FBLN7: variants seen among roughly 807,000 people sequenced by gnomAD.
FBLN7 encodes the protein fibulin-7.
In FBLN7, 31 loss-of-function variants were observed where a neutral mutation model predicts 44.0. That is an observed-to-expected ratio of 0.70 (90% CI 0.53 to 0.95). The LOEUF (loss-of-function observed/expected upper bound fraction) is 0.95, where lower values mean the gene tolerates loss of function less well. Among genes scored for constraint, FBLN7 ranks in the 40% least tolerant of loss-of-function variants. The probability of loss-of-function intolerance (pLI) is 0.00; values close to 1 mark genes in which losing one functional copy is unlikely to be tolerated. For missense variants in FBLN7, 573 were observed against 618.5 expected (o/e 0.93, Z 0.78); for synonymous variants, 262 against 253.4 (o/e 1.03, Z -0.32).
At position 112,181,882 on chromosome 2, in the gene FBLN7, C is replaced by G; in HGVS notation, c.670+6C>G. 6.5e-7 allele frequency: 1 copy of G among 1,533,730 alleles called. No individual in the cohort carries two copies. The highest frequency in any genetic ancestry group is 8.7e-7 in the Non-Finnish European group (1 of 1,145,642). Reference sequence around the variant, plus strand: ...CGGCGACAGCGTCTGCCAGGGTAGGCGCGGGCTCCGCCAGGACACTGGGGA... The same window carrying G: ...CGGCGACAGCGTCTGCCAGGGTAGGGGCGGGCTCCGCCAGGACACTGGGGA... On this transcript the variant is annotated splice_donor_region_variant and intron_variant, in intron 5 of 7. Transcript: ENST00000331203.
At chr2:112,171,160 C>G (rs984178586) in intron 3 of FBLN7, among the ~76,000 whole-genome samples, 10 of 152,112 alleles carry the variant, frequency 6.6e-5, no homozygotes, top group Admixed American at 6.6e-4. Context: ...GGGTAGACAT[C>G]GTCTGGAGCT....
the FBLN7 span, among the ~76,000 whole-genome samples, chr2:112,211,006 T>C: frequency 2.6e-5 from 4 of 152,230 alleles, no homozygotes; most frequent in African/African-American, 9.6e-5. Context: ...GCTGATAAAG[T>C]GGCTGTGGTT....
the FBLN7 span, among the ~76,000 whole-genome samples, chr2:112,234,832 A>G: frequency 6.6e-6 from 1 of 152,122 alleles, no homozygotes; most frequent in Non-Finnish European, 1.5e-5. Context: ...AATGAAAGTG[A>G]TAGTATTTAT....
intron 3 of FBLN7, among the ~76,000 whole-genome samples, chr2:112,166,967 G>A (rs760807725): frequency 1.3e-5 from 2 of 152,140 alleles, no homozygotes; most frequent in South Asian, 2.1e-4. Flanking sequence ...CCTTCTTATC[G>A]CCCTACTTTG....
chr2:112,167,526 G>A (rs1002095843), intron 3 of FBLN7, among the ~76,000 whole-genome samples: 5 of 152,264 alleles, frequency 3.3e-5, no homozygotes, highest in African/African-American at 7.2e-5. Context: ...GGGTCCTGCC[G>A]TGTCCTAACT....
chr2:112,221,898 T>C, the FBLN7 span, among the ~76,000 whole-genome samples: 33 of 152,320 alleles, frequency 2.2e-4, no homozygotes, highest in African/African-American at 7.7e-4. Context: ...TAACCATTGC[T>C]AGGGAACTGG....
intron 1 of FBLN7, among the ~76,000 whole-genome samples, chr2:112,159,464 G>A (rs1040305561): frequency 6.6e-6 from 1 of 152,118 alleles, no homozygotes; most frequent in Admixed American, 6.5e-5. Context: ...AGAGTCATCC[G>A]TCCTGCCTGC....
the FBLN7 span, among the ~76,000 whole-genome samples, chr2:112,240,986 C>T: frequency 0.11 from 13,273 of 119,726 alleles, 762 homozygotes; most frequent in Non-Finnish European, 0.15. Flanking sequence ...TGTGTGTGTG[C>T]GCGTGTGTAT....
At chr2:112,236,456 T>C in the FBLN7 span, 5 of 1,441,338 alleles carry the variant, frequency 3.5e-6, no homozygotes, top group African/African-American at 1.4e-5. Flanking sequence ...TTCTGTGGGA[T>C]GCTTCCACCT....
chr2:112,138,810 A>G, intron 1 of FBLN7, 80 bp downstream of exon 1: 1 of 1,254,124 alleles, frequency 8.0e-7, no homozygotes. Context: ...GCCTCTCTCC[A>G]GGCCAGCGTC....
chr2:112,231,719 A>C, the FBLN7 span: 8 of 479,816 alleles, frequency 1.7e-5, no homozygotes, highest in African/African-American at 1.4e-4. Flanking sequence ...ATTAGTCCTA[A>C]TATATCCCAT....
At chr2:112,230,146 C>G in the FBLN7 span, among the ~76,000 whole-genome samples, 3 of 152,178 alleles carry the variant, frequency 2.0e-5, no homozygotes, top group Non-Finnish European at 4.4e-5. Context: ...AAAGATGCTG[C>G]ACTTCATGCA....
At position 112,166,173 on chromosome 2, in the gene FBLN7, C is replaced by T. The variant is rs908896694; in HGVS notation, c.406+1002C>T. On this transcript the variant is annotated intron_variant, in intron 3 of 7. Transcript: ENST00000331203. Reference sequence around the variant, plus strand: ...TCCAGCGATTCTCCTGCCTCAGCCTCCTGAGTAGCTGGGACTACAGGTGCC... The same window carrying T: ...TCCAGCGATTCTCCTGCCTCAGCCTTCTGAGTAGCTGGGACTACAGGTGCC... Among the ~76,000 whole-genome samples, 81 of 152,332 alleles carry T rather than the reference C, an allele frequency of 5.3e-4. 1 individual carries two copies. The highest frequency in any genetic ancestry group is 1.9e-3 in the African/African-American group (78 of 41,586).
rs1480442360 is a variant in FBLN7, at chr2:112,176,039, CAG to C, written c.532+203_532+204del. 6.0e-6 allele frequency: 3 copies of C among 501,192 alleles called. No homozygotes were observed. In the East Asian group the frequency reaches 1.0e-4, roughly 17 times the overall value. The allele number at this position is 501,192 out of a possible 1,614,324, so 31.0% of individuals were successfully genotyped here. ...ACAGAGCTTAGCTCTTTGATGCAAC[CAG>C]AGTTTTGACCCTTCTTATAGTAGAA... On this transcript the variant is annotated intron_variant, in intron 4 of 7. Transcript: ENST00000331203.
At chr2:112,163,432 A>T (rs375887507) in intron 2 of FBLN7, among the ~76,000 whole-genome samples, 2 of 152,392 alleles carry the variant, frequency 1.3e-5, no homozygotes, top group East Asian at 3.9e-4. Flanking sequence ...CCTTAAATGC[A>T]TTTTAGAAGT....
intron 1 of FBLN7, among the ~76,000 whole-genome samples, chr2:112,146,224 G>C (rs1467071035): frequency 6.6e-6 from 1 of 152,210 alleles, no homozygotes; most frequent in Non-Finnish European, 1.5e-5. Context: ...GGAGGCTGAG[G>C]CAGGAGAATT....
At chr2:112,200,328 C>T in the FBLN7 span, among the ~76,000 whole-genome samples, 1 of 152,082 alleles carries the variant, frequency 6.6e-6, no homozygotes, top group African/African-American at 2.4e-5. Flanking sequence ...CCATGGGGGA[C>T]ACCTCAGATG....
chr2:112,171,470 C>G lies in FBLN7; in HGVS notation c.407-4244C>G, dbSNP rs535434921. Among the ~76,000 whole-genome samples, 175 of 151,912 alleles carry G rather than the reference C, an allele frequency of 1.2e-3. 1 individual carries two copies. Among genetic ancestry groups the G allele is most frequent in the African/African-American group, 4.1e-3 (170 of 41,428 alleles). On this transcript the variant is annotated intron_variant, in intron 3 of 7. Coordinates refer to ENST00000331203, the MANE Select transcript of FBLN7 (RefSeq NM_153214.3). The stretch of plus-strand genomic sequence containing the variant: ...GGAGCAGAGCTTCAGTCCACCTCAC[C>G]TTCTGTATCATGAGGCCTTTCCCCC...
chr2:112,178,711 T>C (rs2104597312), intron 4 of FBLN7, among the ~76,000 whole-genome samples: 1 of 152,318 alleles, frequency 6.6e-6, no homozygotes, highest in East Asian at 1.9e-4. Context: ...TAAAAATCAA[T>C]AAATGTGATT....
Sources: allele counts gnomAD v4.1 joint callset (sites outside exome capture counted in the v4.1 genomes callset), GRCh38; gene constraint gnomAD v4.1.1; transcripts MANE v1.5; gene names NCBI Gene and HGNC (gene_info 2026-07-23, HGNC 2026-07-21).